Variants in ALMS1 observed in about 807,000 individuals in gnomAD.
ALMS1 encodes ALMS1 centrosome and basal body associated protein, also known as centrosome-associated protein ALMS1.
Under a neutral mutation model 352.2 loss-of-function variants are expected in ALMS1, and 271 were observed. That is an observed-to-expected ratio of 0.77 (90% CI 0.70 to 0.85). The LOEUF is 0.85. Among genes scored for constraint, ALMS1 ranks in the 40% least tolerant of loss-of-function variants. The pLI is 0.00. For missense variants in ALMS1, 5,445 were observed against 4,870.7 expected, an observed-to-expected ratio of 1.12 and a Z score of -3.51; for synonymous variants, 1,865 against 1,761.2, an observed-to-expected ratio of 1.06 and a Z score of -1.48.
At chr2:73,570,272 C>G (rs942578085) in intron 15 of ALMS1, among the ~76,000 whole-genome samples, 6 of 152,056 alleles carry the variant, frequency 3.9e-5, no homozygotes, top group Non-Finnish European at 7.4e-5. Flanking sequence ...ATAGTTGGAA[C>G]TCAAGAAAAA....
intron 9 of ALMS1, chr2:73,458,452 A>T (rs2103805828): frequency 6.6e-6 from 1 of 152,292 alleles, no homozygotes; most frequent in Admixed American, 6.5e-5. Flanking sequence ...CTGAGGACAC[A>T]CCACTGAACA....
chr2:73,451,745 G>A lies in ALMS1; in HGVS notation c.5218G>A (p.Ala1740Thr), dbSNP rs867289014. The A allele has an allele frequency of 6.2e-7, 1 of 1,613,976 alleles. No homozygotes were observed. Among genetic ancestry groups the A allele is most frequent in the Non-Finnish European group, 8.5e-7 (1 of 1,179,964 alleles). Reference sequence around the variant, plus strand: ...AACTCAAGAAGCTCTGAAAGTTTCAGCTGTTCCTCAACCAGCTGACCAGAA... The same window carrying A: ...AACTCAAGAAGCTCTGAAAGTTTCAACTGTTCCTCAACCAGCTGACCAGAA... ...ELTQEALKVS[A>T]VPQPADQKTG... The change falls in exon 8 of 23, where the codon GCT (alanine) becomes ACT (threonine). Residue 1740 changes from alanine (A) to threonine (T), a missense_variant. Transcript: ENST00000613296.
chr2:73,455,502 C>G, intron 9 of ALMS1, among the ~76,000 whole-genome samples: 2 of 152,306 alleles, frequency 1.3e-5, no homozygotes, highest in Middle Eastern at 6.8e-3. Context: ...CTCTTAGACT[C>G]AAGGAATCCT....
intron 9 of ALMS1, among the ~76,000 whole-genome samples, chr2:73,480,231 C>CTCCCT (rs1672667249): frequency 6.6e-6 from 1 of 152,008 alleles, no homozygotes; most frequent in African/African-American, 2.4e-5. Context: ...CCCCACTCCC[C>CTCCCT]CCACCCCACC....
At chr2:73,548,917 G>A (rs746405135) in intron 12 of ALMS1, among the ~76,000 whole-genome samples, 5 of 152,130 alleles carry the variant, frequency 3.3e-5, no homozygotes, top group Admixed American at 6.5e-5. Context: ...ATAAGTTTCC[G>A]GAGAGGTAAG....
chr2:73,395,464 A>G (rs1259038626), intron 1 of ALMS1, among the ~76,000 whole-genome samples: 1 of 152,038 alleles, frequency 6.6e-6, no homozygotes, highest in Non-Finnish European at 1.5e-5. Context: ...CTGTAATTAG[A>G]TCTTCTTTAA....
chr2:73,480,884 G>A (rs1226451911), intron 9 of ALMS1, among the ~76,000 whole-genome samples: 2 of 149,860 alleles, frequency 1.3e-5, no homozygotes, highest in African/African-American at 2.5e-5. Context: ...CTTTTGAGAA[G>A]TGTCTGTTCA....
chr2:73,421,790 A>G (rs1671289439), intron 3 of ALMS1, among the ~76,000 whole-genome samples: 1 of 152,184 alleles, frequency 6.6e-6, no homozygotes, highest in Admixed American at 6.5e-5. Context: ...AGATGACAAC[A>G]TGGTGAGCTC....
chr2:73,428,373 C>G (rs2103725177), intron 6 of ALMS1, among the ~76,000 whole-genome samples: 1 of 152,192 alleles, frequency 6.6e-6, no homozygotes, highest in South Asian at 2.1e-4. Flanking sequence ...ACTGTTCCCC[C>G]TCCCCCCACC....
intron 11 of ALMS1, among the ~76,000 whole-genome samples, chr2:73,533,384 A>G (rs115370651): frequency 0.01 from 1,562 of 152,350 alleles, 39 homozygotes; most frequent in African/African-American, 0.035. Context: ...TAGAGCAGAT[A>G]GCTGAGTTGC....
At chr2:73,485,202 G>A (rs1249196735) in intron 9 of ALMS1, among the ~76,000 whole-genome samples, 1 of 152,130 alleles carries the variant, frequency 6.6e-6, no homozygotes, top group African/African-American at 2.4e-5. Flanking sequence ...CCATCTTTGT[G>A]GTTTTATCTA....
chr2:73,486,685 A>C (rs1220109255), intron 9 of ALMS1, among the ~76,000 whole-genome samples: 1 of 152,194 alleles, frequency 6.6e-6, no homozygotes, highest in South Asian at 2.1e-4. Context: ...TACATCTTTC[A>C]GATTCTTCTT....
chr2:73,473,407 CACTT>C (rs1672507956), intron 9 of ALMS1, among the ~76,000 whole-genome samples: 1 of 152,030 alleles, frequency 6.6e-6, no homozygotes, highest in African/African-American at 2.4e-5. Flanking sequence ...CACTAAACAA[CACTT>C]ACAACAAGCA....
chr2:73,553,463 T>C (rs1268902228), intron 13 of ALMS1, among the ~76,000 whole-genome samples: 1 of 152,214 alleles, frequency 6.6e-6, no homozygotes, highest in African/African-American at 2.4e-5. Flanking sequence ...CTTATGTGAT[T>C]GACTATACTT....
At position 73,534,557 on chromosome 2, in the gene ALMS1, A is replaced by G. The variant is rs1192119361; in HGVS notation, c.9782-267A>G. Reference sequence around the variant, plus strand: ...CCCAATTTCTCCTGTATTCTTAATTACCTTCAGCATTTCTATATTTTCCCT... The same window carrying G: ...CCCAATTTCTCCTGTATTCTTAATTGCCTTCAGCATTTCTATATTTTCCCT... On this transcript the variant is annotated intron_variant, in intron 11 of 22. Transcript: ENST00000613296. 2.0e-5 allele frequency among the ~76,000 whole-genome samples: 3 copies of G among 152,198 alleles called. 1 individual carries two copies. The highest frequency in any genetic ancestry group is 4.1e-4 in the South Asian group (2 of 4,830).
chr2:73,415,614 G>A (rs1463274351), intron 2 of ALMS1, among the ~76,000 whole-genome samples: 2 of 152,150 alleles, frequency 1.3e-5, no homozygotes, highest in Admixed American at 1.3e-4. Context: ...AGGAGGGAAG[G>A]TATGAAATCT....
intron 9 of ALMS1, chr2:73,462,909 A>C (rs974874824): frequency 6.6e-6 from 1 of 152,064 alleles, no homozygotes; most frequent in Admixed American, 6.5e-5. Flanking sequence ...AGAACTAACT[A>C]TCTTAAATAT....
intron 6 of ALMS1, 67 bp from the exon 7 acceptor site, chr2:73,432,131 G>A (rs1671511905): frequency 2.7e-6 from 3 of 1,119,014 alleles, no homozygotes; most frequent in Admixed American, 1.7e-5. Flanking sequence ...CTTCGTAGGT[G>A]GGTCATTCTA....
intron 10 of ALMS1, among the ~76,000 whole-genome samples, chr2:73,496,066 T>C (rs1201021367): frequency 1.2e-4 from 19 of 152,242 alleles, no homozygotes; most frequent in Admixed American, 1.2e-3. Context: ...TCATTTATAA[T>C]ATAGATTCAT....
Sources: allele counts gnomAD v4.1 joint callset (sites outside exome capture counted in the v4.1 genomes callset), GRCh38; gene constraint gnomAD v4.1.1; transcripts MANE v1.5; gene names NCBI Gene and HGNC (gene_info 2026-07-23, HGNC 2026-07-21).